The following DPP10 variants were observed in gnomAD, a reference collection of about 807,000 sequenced individuals.
DPP10 encodes the protein inactive dipeptidyl peptidase 10.
DPP10 carries 33 observed loss-of-function variants against 120.9 expected under a neutral mutation model. The ratio of observed to expected loss-of-function variants is 0.27; its 90% CI spans 0.21 to 0.37. The LOEUF (loss-of-function observed/expected upper bound fraction) is 0.37. Among genes scored for constraint, DPP10 ranks in the 10% least tolerant of loss-of-function variants. The pLI is 1.00. For synonymous variants in DPP10, 337 were observed against 326.1 expected, an observed-to-expected ratio of 1.03 and a Z score of -0.36; for missense variants, 816 against 942.8, an observed-to-expected ratio of 0.87 and a Z score of 1.76.
intron 1 of DPP10, among the ~76,000 whole-genome samples, chr2:115,062,635 G>A (rs755138261): frequency 2.2e-4 from 33 of 152,146 alleles, no homozygotes; most frequent in Non-Finnish European, 4.0e-4. Context: ...GTGAGAACAC[G>A]CAGTGTTTGA....
At chr2:115,021,839 T>G (rs192050307) in intron 1 of DPP10, among the ~76,000 whole-genome samples, 1 of 152,148 alleles carries the variant, frequency 6.6e-6, no homozygotes, top group Non-Finnish European at 1.5e-5. Flanking sequence ...ATACCAGGGA[T>G]GCAGGAATGG....
chr2:115,047,169 G>A (rs2105327557), intron 1 of DPP10, among the ~76,000 whole-genome samples: 1 of 152,012 alleles, frequency 6.6e-6, no homozygotes, highest in Non-Finnish European at 1.5e-5. Context: ...AGAATACATT[G>A]GAAACTTTAT....
chr2:115,800,387 C>T (rs1452017109), intron 19 of DPP10, among the ~76,000 whole-genome samples: 10 of 152,108 alleles, frequency 6.6e-5, no homozygotes, highest in African/African-American at 1.4e-4. Context: ...CTGTAGGTTG[C>T]CTGTTCACTC....
chr2:115,471,237 G>C (rs764100807), intron 3 of DPP10, among the ~76,000 whole-genome samples: 1 of 152,142 alleles, frequency 6.6e-6, no homozygotes, highest in East Asian at 1.9e-4. Flanking sequence ...CTACTCAAAA[G>C]CATCCTACCT....
chr2:115,728,645 T>C (rs2092825957), intron 8 of DPP10, among the ~76,000 whole-genome samples: 1 of 152,202 alleles, frequency 6.6e-6, no homozygotes, highest in South Asian at 2.1e-4. Context: ...ATTATAAAGC[T>C]ATGAATCATT....
chr2:115,039,811 C>T (rs1442011487), intron 1 of DPP10, among the ~76,000 whole-genome samples: 2 of 152,032 alleles, frequency 1.3e-5, no homozygotes, highest in Admixed American at 6.6e-5. Context: ...CTCCATTGGG[C>T]CATCAAGTCG....
At chr2:115,505,983 A>G (rs1325531330) in intron 4 of DPP10, among the ~76,000 whole-genome samples, 2 of 148,104 alleles carry the variant, frequency 1.4e-5, no homozygotes, top group African/African-American at 4.9e-5. Flanking sequence ...ATAAACTAAA[A>G]TTATTAATAC....
intron 1 of DPP10, among the ~76,000 whole-genome samples, chr2:115,101,961 T>G (rs929896740): frequency 6.6e-6 from 1 of 152,348 alleles, no homozygotes; most frequent in South Asian, 2.1e-4. Context: ...TGACTAATTA[T>G]GAATAGGAGA....
intron 19 of DPP10, among the ~76,000 whole-genome samples, chr2:115,811,883 AT>A (rs1220926257): frequency 2.0e-5 from 3 of 152,234 alleles, no homozygotes; most frequent in Non-Finnish European, 4.4e-5. Context: ...ACTAGCCGAA[AT>A]TCTTTATATA....
At chr2:114,617,419 T>C (rs1693755896) in intron 1 of DPP10, among the ~76,000 whole-genome samples, 1 of 152,130 alleles carries the variant, frequency 6.6e-6, no homozygotes, top group Admixed American at 6.6e-5. Flanking sequence ...ACTAAAATTA[T>C]GGCAAAGATG....
chr2:115,266,212 A>C (rs532759513), intron 1 of DPP10, among the ~76,000 whole-genome samples: 11 of 152,176 alleles, frequency 7.2e-5, no homozygotes, highest in African/African-American at 2.7e-4. Context: ...CGAAGGATTG[A>C]TTATGTATTA....
intron 3 of DPP10, among the ~76,000 whole-genome samples, chr2:115,441,700 C>T (rs2072061238): frequency 6.6e-6 from 1 of 152,076 alleles, no homozygotes; most frequent in Non-Finnish European, 1.5e-5. Flanking sequence ...TAAATTTAGA[C>T]TGCATACATG....
intron 1 of DPP10, among the ~76,000 whole-genome samples, chr2:114,813,259 T>C (rs750633356): frequency 2.0e-5 from 3 of 152,140 alleles, no homozygotes; most frequent in Admixed American, 2.0e-4. Flanking sequence ...TAAAAACATA[T>C]ATAGGAAGGA....
rs533256345 is a variant in DPP10, at chr2:115,571,224, A to G, written c.441+45252A>G. The stretch of plus-strand genomic sequence containing the variant: ...CTCTTTGTCTTTGATTGTTGCCAAC[A>G]TCTTTTTTCTCCAACTCTTATTTTG... On this transcript the variant is annotated intron_variant, in intron 5 of 25. Transcript: ENST00000410059. 7.0e-4 allele frequency among the ~76,000 whole-genome samples: 107 copies of G among 152,312 alleles called. 1 individual carries two copies. Among genetic ancestry groups the G allele is most frequent in the African/African-American group, 2.5e-3 (102 of 41,570 alleles).
chr2:115,807,221 T>G (rs75183899), intron 19 of DPP10, among the ~76,000 whole-genome samples: 2,776 of 152,274 alleles, frequency 0.018, 87 homozygotes, highest in African/African-American at 0.061. Context: ...TGACAGCAAA[T>G]ATCATTAGGA....
intron 3 of DPP10, among the ~76,000 whole-genome samples, chr2:115,373,617 G>A (rs1269373677): frequency 6.6e-6 from 1 of 152,020 alleles, no homozygotes; most frequent in Non-Finnish European, 1.5e-5. Context: ...TTTCAAAAGA[G>A]CATAGTCAAT....
chr2:115,407,869 A>G (rs1574744044), intron 3 of DPP10, among the ~76,000 whole-genome samples: 2 of 149,770 alleles, frequency 1.3e-5, no homozygotes, highest in African/African-American at 2.4e-5. Context: ...AGGAGGAAAA[A>G]GGAAAAAAAA....
At chr2:114,602,182 T>A (rs1692426931) in intron 1 of DPP10, among the ~76,000 whole-genome samples, 1 of 151,866 alleles carries the variant, frequency 6.6e-6, no homozygotes, top group Non-Finnish European at 1.5e-5. Flanking sequence ...AGTTGAATTT[T>A]CCAAAAGAAA....
chr2:115,391,808 G>A (rs12328579), intron 3 of DPP10, among the ~76,000 whole-genome samples: 1,681 of 152,138 alleles, frequency 0.011, 27 homozygotes, highest in African/African-American at 0.038. Flanking sequence ...GATGAGTTGT[G>A]GGGGTGGATA....
Sources: allele counts gnomAD v4.1 joint callset (sites outside exome capture counted in the v4.1 genomes callset), GRCh38; gene constraint gnomAD v4.1.1; transcripts MANE v1.5; gene names NCBI Gene and HGNC (gene_info 2026-07-23, HGNC 2026-07-21).